RFX7: variants seen among roughly 807,000 people sequenced by gnomAD.
RFX7 encodes regulatory factor X7, also known as DNA-binding protein RFX7.
A neutral mutation model predicts 111.8 loss-of-function variants in RFX7; 26 were observed. That is an observed-to-expected ratio of 0.23 (90% confidence interval 0.17 to 0.32). The LOEUF is 0.32. RFX7 is among the 10% of genes least tolerant of loss of function. RFX7 has a pLI of 1.00. For missense variants in RFX7, 1,573 were observed against 1,772.9 expected (o/e 0.89, Z 2.02); for synonymous variants, 624 against 624.4 (o/e 1.00, Z 0.01).
At chr15:56,096,728 GA>G in intron 9 of RFX7, 108 bp from the exon 10 acceptor site, 1 of 1,238,508 alleles carries the variant, frequency 8.1e-7, no homozygotes, top group Non-Finnish European at 1.1e-6. Context: ...ATGTTAAAAA[GA>G]AAAAAGTTCC....
chr15:56,230,522 A>G lies in RFX7; in HGVS notation c.161+12603T>C, dbSNP rs148225256. 2.6e-5 allele frequency among the ~76,000 whole-genome samples: 4 copies of G among 152,358 alleles called. No individual in the cohort carries two copies. In the East Asian group the frequency reaches 7.7e-4, roughly 29 times the overall value. On this transcript the variant is annotated intron_variant, in intron 2 of 9. Coordinates refer to ENST00000559447, the MANE Select transcript of RFX7 (RefSeq NM_022841.7). ...CATTATGTTATCAAATACAGAAACAATATGTAGAAAAAAATAAAAGTGCCT... is the reference window on the plus strand; with the variant it reads ...CATTATGTTATCAAATACAGAAACAGTATGTAGAAAAAAATAAAAGTGCCT...
chr15:56,102,937 T>C (rs2041776864), intron 6 of RFX7, among the ~76,000 whole-genome samples: 1 of 152,198 alleles, frequency 6.6e-6, no homozygotes, highest in Non-Finnish European at 1.5e-5. Flanking sequence ...TTTTACAATC[T>C]TCTTCTAAGA....
chr15:56,240,336 T>C (rs561206233), intron 2 of RFX7, among the ~76,000 whole-genome samples: 4 of 152,252 alleles, frequency 2.6e-5, no homozygotes, highest in Admixed American at 2.0e-4. Context: ...ATAACCATAT[T>C]ATAGAAACAT....
chr15:56,158,457 T>C (rs1484832884), intron 3 of RFX7, among the ~76,000 whole-genome samples: 3 of 152,142 alleles, frequency 2.0e-5, no homozygotes, highest in Non-Finnish European at 2.9e-5. Flanking sequence ...GTATAGAAAA[T>C]TTGATGTGGC....
At chr15:56,149,953 T>C (rs1175377724) in intron 3 of RFX7, among the ~76,000 whole-genome samples, 3 of 143,112 alleles carry the variant, frequency 2.1e-5, no homozygotes, top group Non-Finnish European at 4.5e-5. Context: ...GAAACTAAGA[T>C]CCGCTGGCTT....
At position 56,236,960 on chromosome 15, in the gene RFX7, C is replaced by CT. The variant is rs1596029712; in HGVS notation, c.161+6164_161+6165insA. On this transcript the variant is annotated intron_variant, in intron 2 of 9. Transcript: ENST00000559447. ...GCACAGTTAATCTCACATAACAGAACCCTTGCACAAGGTAGCAATAAGCAA... is the reference window on the plus strand; with the variant it reads ...GCACAGTTAATCTCACATAACAGAACTCCTTGCACAAGGTAGCAATAAGCAA... Among the ~76,000 whole-genome samples the CT allele has an allele frequency of 4.6e-5, 7 of 152,292 alleles. No individual in the cohort carries two copies. The East Asian group carries it at 5.8e-4, about 13-fold the overall frequency.
At chr15:56,158,882 C>T (rs1158217658) in intron 3 of RFX7, among the ~76,000 whole-genome samples, 1 of 152,148 alleles carries the variant, frequency 6.6e-6, no homozygotes, top group African/African-American at 2.4e-5. Flanking sequence ...CTGAAATATA[C>T]AACACATTAT....
chr15:56,094,431 A>C lies in RFX7; in HGVS notation c.3297T>G (p.Ala1099=). Residue 1099 remains alanine (A), a synonymous_variant, in exon 10 of 10, where the codon GCT becomes GCG. Coordinates refer to ENST00000559447, the MANE Select transcript of RFX7 (RefSeq NM_022841.7). ...GATAAGACTGTCCAGGCACAGCAAA[A>C]GCATGAGGTTTCCTGAAACGGTCTT... is the stretch of plus-strand genomic sequence containing the variant. The part of the protein sequence containing the change: ...LVEDRFRKPH[A]FAVPGQSYQS... 6.2e-7 allele frequency: 1 copy of C among 1,613,972 alleles called. No individual in the cohort carries two copies. The highest frequency in any genetic ancestry group is 1.3e-5 in the African/African-American group (1 of 75,032).
intron 2 of RFX7, among the ~76,000 whole-genome samples, chr15:56,183,379 T>C (rs2042998198): frequency 6.6e-6 from 1 of 152,144 alleles, no homozygotes; most frequent in Admixed American, 6.5e-5. Context: ...AAGCAGTCTA[T>C]ATTTTATTCT....
intron 2 of RFX7, among the ~76,000 whole-genome samples, chr15:56,215,066 T>C (rs2043350335): frequency 6.6e-6 from 1 of 152,220 alleles, no homozygotes; most frequent in South Asian, 2.1e-4. Flanking sequence ...ATCAAGGTAC[T>C]AGTTCTATGA....
chr15:56,148,165 T>A (rs1339519153), intron 3 of RFX7, among the ~76,000 whole-genome samples: 1 of 152,182 alleles, frequency 6.6e-6, no homozygotes, highest in East Asian at 1.9e-4. Flanking sequence ...TGCAAAAAGA[T>A]ATTAAAAAGG....
Position 56,243,535 on chromosome 15 carries a change from G to A in RFX7, c.-93C>T, listed in dbSNP as rs1330469309. 33 of 983,722 alleles carry A rather than the reference G, an allele frequency of 3.4e-5. No homozygotes were observed. Among genetic ancestry groups the A allele is most frequent in the Non-Finnish European group, 4.0e-5 (33 of 829,022 alleles). The allele number at this position is 983,722 out of a possible 1,614,324, so 60.9% of individuals were successfully genotyped here. On this transcript the variant is annotated 5_prime_UTR_variant, in exon 1 of 10. Transcript: ENST00000559447. ...CCTCACGGCCGGGGCGCTTCACCGC[G>A]GGAGAGGCATGGCGGCGCCCCTCAG...
At chr15:56,110,263 A>G (rs1419617571) in intron 5 of RFX7, among the ~76,000 whole-genome samples, 3 of 32,054 alleles carry the variant, frequency 9.4e-5, no homozygotes, top group Non-Finnish European at 1.3e-4. Flanking sequence ...TCCGGGAGGG[A>G]GGTGGGGGGG....
At chr15:56,183,795 T>C (rs1460733114) in intron 2 of RFX7, among the ~76,000 whole-genome samples, 4 of 151,988 alleles carry the variant, frequency 2.6e-5, no homozygotes, top group African/African-American at 7.2e-5. Flanking sequence ...ATTAATGTTA[T>C]AGGTTGAATG....
chr15:56,142,799 T>C lies in RFX7; in HGVS notation c.380A>G (p.Gln127Arg). The C allele has an allele frequency of 6.2e-7, 1 of 1,613,360 alleles. No individual in the cohort carries two copies. The highest frequency in any genetic ancestry group is 8.5e-7 in the Non-Finnish European group (1 of 1,179,522). The stretch of plus-strand genomic sequence containing the variant: ...TTACTTGTACTCATCATAGACTTCC[T>C]GTTTGGGCAGTGAAGTCTCCGGATG... ...EEHPETSLPKQEVYDEYKSYC... is the reference protein window; with the variant it reads ...EEHPETSLPKREVYDEYKSYC... The change falls in exon 5 of 10, where the codon CAG (glutamine) becomes CGG (arginine). Residue 127 changes from glutamine to arginine, a missense_variant. Physicochemically the swap from Gln to Arg is conservative, Grantham distance 43. Transcript: ENST00000559447.
intron 3 of RFX7, among the ~76,000 whole-genome samples, chr15:56,148,592 C>A (rs953333111): frequency 6.6e-6 from 1 of 152,160 alleles, no homozygotes; most frequent in Non-Finnish European, 1.5e-5. Flanking sequence ...ACAAAAAATA[C>A]TGACATAAGA....
At chr15:56,193,749 G>T (rs1291936488) in intron 2 of RFX7, among the ~76,000 whole-genome samples, 2 of 152,084 alleles carry the variant, frequency 1.3e-5, no homozygotes, top group African/African-American at 4.8e-5. Context: ...CAATAAAGCA[G>T]ATAAAAATTT....
chr15:56,103,486 C>T, intron 6 of RFX7, 68 bp downstream of exon 6: 1 of 1,007,682 alleles, frequency 9.9e-7, no homozygotes, highest in South Asian at 1.8e-5. Context: ...AGTTGAACTA[C>T]AACAATAGAT....
intron 2 of RFX7, among the ~76,000 whole-genome samples, chr15:56,191,965 T>G (rs2043104586): frequency 6.6e-6 from 1 of 152,174 alleles, no homozygotes; most frequent in Non-Finnish European, 1.5e-5. Flanking sequence ...CCCAATGGCT[T>G]GTGACTGCCA....
Sources: gnomAD v4.1 joint callset for allele counts (sites outside exome capture counted in the v4.1 genomes callset) on GRCh38, gnomAD v4.1.1 for gene constraint, MANE v1.5 for transcripts, NCBI Gene and HGNC (gene_info 2026-07-23, HGNC 2026-07-21) for gene names.